GTSE1: variants seen among roughly 807,000 people sequenced by gnomAD.
GTSE1 encodes the protein G2 and S phase-expressed protein 1.
In GTSE1, 52 loss-of-function variants were observed where a neutral mutation model predicts 60.5. The ratio of observed to expected loss-of-function variants is 0.86; its 90% CI spans 0.69 to 1.08. GTSE1 has a LOEUF of 1.08. Ranked by LOEUF, GTSE1 falls within the 50% of genes least tolerant of loss-of-function variation. The pLI is 0.00. For synonymous variants in GTSE1, 368 were observed against 386.5 expected, an observed-to-expected ratio of 0.95 and a Z score of 0.56; for missense variants, 937 against 961.8, an observed-to-expected ratio of 0.97 and a Z score of 0.34.
Position 46,312,350 on chromosome 22 carries a change from G to C in GTSE1, c.927+45G>C, listed in dbSNP as rs373853444. On this transcript the variant is annotated intron_variant, in intron 5 of 11. Transcript: ENST00000454366. ...CCAAACTTGTGGTTGCTGGGAATGA[G>C]GTGGCAGCTGTGTGTACAAGTGCTT... is the stretch of plus-strand genomic sequence containing the variant. 198 of 1,564,756 alleles carry C rather than the reference G, an allele frequency of 1.3e-4. 1 individual carries two copies. In the South Asian group the frequency reaches 2.2e-3, roughly 17 times the overall value.
In GTSE1 at chr22:46,319,550, C is replaced by T. The variant is rs1198968187; in HGVS notation, c.1432+3138C>T. ...GCTGGAAGAGGCAGCGGGCAGAGTC[C>T]ACGGCCCCATTTTGGAAGTAGTGAG... On this transcript the variant is annotated intron_variant, in intron 7 of 11. Transcript: ENST00000454366. This position sits in a 1 kb window ranked among gnomAD's most constrained non-coding sequence, Gnocchi z 5.0. Among the ~76,000 whole-genome samples the T allele has an allele frequency of 6.6e-6, 1 of 152,070 alleles. No individual in the cohort carries two copies. The highest frequency in any genetic ancestry group is 2.4e-5 in the African/African-American group (1 of 41,364).
At chr22:46,327,218 TAAAA>T (rs539110516) in intron 9 of GTSE1, 1 of 151,644 alleles carries the variant, frequency 6.6e-6, no homozygotes, top group Non-Finnish European at 1.5e-5. Flanking sequence ...TTAAAATAAA[TAAAA>T]TAAATAAAAT....
In GTSE1 at chr22:46,329,175, G is replaced by C. The variant is rs1325859242; in HGVS notation, c.1927-183G>C. 2 of 667,006 alleles carry C rather than the reference G, an allele frequency of 3.0e-6. No individual in the cohort carries two copies. Among genetic ancestry groups the C allele is most frequent in the Admixed American group, 4.8e-5 (2 of 41,988 alleles). The allele number at this position is 667,006 out of a possible 1,614,324, so 41.3% of individuals were successfully genotyped here. A position where few individuals can be genotyped will look rare whatever the true frequency, so the allele number is the denominator to read the frequency against. ...GCTGGTGAGCGGGTATGGACAGGGA[G>C]GTGGGCAACAGTCAGAGAGGCACGG... On this transcript the variant is annotated intron_variant, in intron 10 of 11. Coordinates refer to ENST00000454366, the MANE Select transcript of GTSE1 (RefSeq NM_016426.7). The surrounding 1 kb of genome is among the most constrained non-coding windows in gnomAD (Gnocchi z 6.4).
chr22:46,298,722 G>A (rs1392865514), intron 2 of GTSE1, among the ~76,000 whole-genome samples: 3 of 152,114 alleles, frequency 2.0e-5, no homozygotes, highest in Non-Finnish European at 4.4e-5. Flanking sequence ...CCTCCTTCCT[G>A]TCATGTCCTT....
In GTSE1 at chr22:46,299,357, C is replaced by T. The variant is rs192401983; in HGVS notation, c.79+1878C>T. On this transcript the variant is annotated intron_variant, in intron 2 of 11. Transcript: ENST00000454366. ...ACCCACGTTTTGTCTTGAGCGCAGC[C>T]TCTCCTCCGAGCTCTGGGCTTGTAT... Among the ~76,000 whole-genome samples the T allele has an allele frequency of 1.8e-3, 274 of 152,372 alleles. 1 individual carries two copies. The highest frequency in any genetic ancestry group is 6.1e-3 in the African/African-American group (252 of 41,586).
chr22:46,312,014 G>A, intron 4 of GTSE1, 127 bp from the exon 5 acceptor site: 1 of 713,550 alleles, frequency 1.4e-6, no homozygotes, highest in Admixed American at 2.8e-5. Context: ...CAATCTGGCT[G>A]ATGAATGGAG....
Position 46,316,472 on chromosome 22 carries a change from GTT to G in GTSE1, c.1432+63_1432+64del. 8.8e-7 allele frequency: 1 copy of G among 1,142,074 alleles called. No individual in the cohort carries two copies. The highest frequency in any genetic ancestry group is 1.3e-6 in the Non-Finnish European group (1 of 796,312). 70.7% of individuals were successfully genotyped at this position (1,142,074 alleles called of 1,614,324 possible). A position where few individuals can be genotyped will look rare whatever the true frequency, so the allele number is the denominator to read the frequency against. ...AAATACTGAAGAAATTGCATTTAAAGTTTTAAACAATTATTGATGGCATTGAT... is the reference window on the plus strand; with the variant it reads ...AAATACTGAAGAAATTGCATTTAAAGTTAAACAATTATTGATGGCATTGAT... On this transcript the variant is annotated intron_variant, in intron 7 of 11. Transcript: ENST00000454366. This position sits in a 1 kb window ranked among gnomAD's most constrained non-coding sequence, Gnocchi z 5.0.
intron 6 of GTSE1, among the ~76,000 whole-genome samples, chr22:46,315,426 C>T (rs6007830): frequency 0.15 from 22,464 of 152,102 alleles, 2,220 homozygotes; most frequent in African/African-American, 0.28. Context: ...AACTCCTGGC[C>T]TTGAGTGATC....
Position 46,321,825 on chromosome 22 carries a change from A to C in GTSE1, c.1433-1365A>C, listed in dbSNP as rs1266734557. Among the ~76,000 whole-genome samples the C allele has an allele frequency of 6.6e-6, 1 of 152,210 alleles. No homozygotes were observed. The highest frequency in any genetic ancestry group is 6.5e-5 in the Admixed American group (1 of 15,284). On this transcript the variant is annotated intron_variant, in intron 7 of 11. Transcript: ENST00000454366. The surrounding 1 kb of genome is among the most constrained non-coding windows in gnomAD (Gnocchi z 4.0). The stretch of plus-strand genomic sequence containing the variant: ...GGCAGTGGCTCACGCCTGTAATCCC[A>C]GCACTTTGGGAGGCCGAGGCGGGCA...
rs1399170182 is a variant in GTSE1 at position 46,323,212 on chromosome 22, A to T, written c.1455A>T (p.Thr485=). 6.2e-7 allele frequency: 1 copy of T among 1,614,008 alleles called. No homozygotes were observed. The highest frequency in any genetic ancestry group is 1.3e-5 in the African/African-American group (1 of 75,046). ...TAGGTGACTCCCCGGACAGCTCAAC[A>T]CCAAAGCTTTCGCGGGCACAGCGGC... ...FSIGDSPDSS[T]PKLSRAQRPQ... is the part of the protein sequence containing the mutation. The change falls in exon 8 of 12, where the codon ACA becomes ACT. Residue 485 remains threonine, a synonymous_variant. Transcript: ENST00000454366.
chr22:46,312,599 A>C (rs893235118), intron 5 of GTSE1, among the ~76,000 whole-genome samples: 6 of 149,620 alleles, frequency 4.0e-5, no homozygotes, highest in Admixed American at 2.7e-4. Context: ...TAATCACGCC[A>C]CTGCACTCCA....
At chr22:46,298,295 T>C (rs1314193665) in intron 2 of GTSE1, among the ~76,000 whole-genome samples, 1 of 150,958 alleles carries the variant, frequency 6.6e-6, no homozygotes, top group African/African-American at 2.4e-5. Flanking sequence ...TTGGGTAGTT[T>C]TCTCACACTA....
chr22:46,305,604 AT>A (rs2077711160), intron 2 of GTSE1, among the ~76,000 whole-genome samples: 1 of 147,702 alleles, frequency 6.8e-6, no homozygotes, highest in African/African-American at 2.5e-5. Flanking sequence ...GTGAGACTCC[AT>A]CTCAAAAAAA....
Position 46,308,799 on chromosome 22 carries a change from G to A in GTSE1, c.618G>A (p.Pro206=), listed in dbSNP as rs760751223. Residue 206 remains proline, a synonymous_variant, in exon 4 of 12, where the codon CCG becomes CCA. Transcript: ENST00000454366. The stretch of plus-strand genomic sequence containing the variant: ...GCCTCACCCGGGCGCCGGGGCCTCC[G>A]CACTCTGCTCATGCTTTGCCCAGGG... ...QARLTRAPGP[P]HSAHALPRES... 23 of 1,613,092 alleles carry A rather than the reference G, an allele frequency of 1.4e-5. No homozygotes were observed. The East Asian group carries it at 2.0e-4, about 14-fold the overall frequency.
At position 46,313,885 on chromosome 22, in the gene GTSE1, C is replaced by A; in HGVS notation, c.928-5C>A. 1 of 1,613,920 alleles carries A rather than the reference C, an allele frequency of 6.2e-7. No homozygotes were observed. Among genetic ancestry groups the A allele is most frequent in the Non-Finnish European group, 8.5e-7 (1 of 1,179,844 alleles). On this transcript the variant is annotated splice_polypyrimidine_tract_variant and splice_region_variant and intron_variant, in intron 5 of 11. Transcript: ENST00000454366. This position sits in a 1 kb window ranked among gnomAD's most constrained non-coding sequence, Gnocchi z 4.4. ...CTGATTCTGTTTTTTCACATTTTGC[C>A]CCAGTTGGGGCTGAAGAAGACCCTG...
In GTSE1 at chr22:46,329,766, C is replaced by T. The variant is rs192164942; in HGVS notation, c.2136+199C>T. On this transcript the variant is annotated intron_variant, in intron 11 of 11. Coordinates refer to ENST00000454366, the MANE Select transcript of GTSE1 (RefSeq NM_016426.7). This position sits in a 1 kb window ranked among gnomAD's most constrained non-coding sequence, Gnocchi z 6.4. Reference sequence around the variant, plus strand: ...GCCTCTGAGGTGCCCTGCCAGGACCCTGCCAGCTCTTGTTGGACAGGGACC... The same window carrying T: ...GCCTCTGAGGTGCCCTGCCAGGACCTTGCCAGCTCTTGTTGGACAGGGACC... Among the ~76,000 whole-genome samples, 286 of 152,342 alleles carry T rather than the reference C, an allele frequency of 1.9e-3. 3 individuals carry two copies. Among genetic ancestry groups the T allele is most frequent in the Admixed American group, 0.016 (243 of 15,302 alleles).
In GTSE1 at chr22:46,320,299, T is replaced by G. The variant is rs985667944; in HGVS notation, c.1433-2891T>G. 6.6e-6 allele frequency among the ~76,000 whole-genome samples: 1 copy of G among 152,202 alleles called. No individual in the cohort carries two copies. The highest frequency in any genetic ancestry group is 2.4e-5 in the African/African-American group (1 of 41,460). Reference sequence around the variant, plus strand: ...CCTTACGCACCTCTCAGATGTGCATTTCACCTTCGGCAGGCGGTTCCTCCT... The same window carrying G: ...CCTTACGCACCTCTCAGATGTGCATGTCACCTTCGGCAGGCGGTTCCTCCT... On this transcript the variant is annotated intron_variant, in intron 7 of 11. Transcript: ENST00000454366. The surrounding 1 kb of genome is among the most constrained non-coding windows in gnomAD (Gnocchi z 7.1).
In GTSE1 at chr22:46,309,011, G is replaced by A. The variant is rs2077733935; in HGVS notation, c.762+68G>A. 4 of 1,511,130 alleles carry A rather than the reference G, an allele frequency of 2.6e-6. No individual in the cohort carries two copies. In the African/African-American group the frequency reaches 4.2e-5, roughly 16 times the overall value. The allele number at this position is 1,511,130 out of a possible 1,614,324, so 93.6% of individuals were successfully genotyped here. ...CTTGCCCCTCAGCCCTCTCACAGAA[G>A]CCACATGCGGAAAGCCTCAGAGGTG... On this transcript the variant is annotated intron_variant, in intron 4 of 11. Coordinates refer to ENST00000454366, the MANE Select transcript of GTSE1 (RefSeq NM_016426.7). The surrounding 1 kb of genome is among the most constrained non-coding windows in gnomAD (Gnocchi z 6.2).
In GTSE1 at chr22:46,314,598, G is replaced by A. The variant is rs1157465778; in HGVS notation, c.1051+585G>A. On this transcript the variant is annotated intron_variant, in intron 6 of 11. Coordinates refer to ENST00000454366, the MANE Select transcript of GTSE1 (RefSeq NM_016426.7). This position sits in a 1 kb window ranked among gnomAD's most constrained non-coding sequence, Gnocchi z 7.1. ...GTTCACAAAATGTAAAAAGTGGGCC[G>A]GGCGCAGGGGCTCACGCCTGTGATC... Among the ~76,000 whole-genome samples, 8 of 152,126 alleles carry A rather than the reference G, an allele frequency of 5.3e-5. No individual in the cohort carries two copies. The East Asian group carries it at 1.4e-3, about 26-fold the overall frequency.
Sources: allele counts gnomAD v4.1 joint callset (sites outside exome capture counted in the v4.1 genomes callset), GRCh38; gene constraint gnomAD v4.1.1; non-coding constraint Gnocchi (gnomAD v3.1); transcripts MANE v1.5; gene names NCBI Gene and HGNC (gene_info 2026-07-23, HGNC 2026-07-21).